PCDHGA10: variants seen among roughly 807,000 people sequenced by gnomAD.
The protein encoded by PCDHGA10 is protocadherin gamma subfamily A, 10, also known as protocadherin gamma-A10.
A neutral mutation model predicts 59.5 loss-of-function variants in PCDHGA10; 42 were observed. The ratio of observed to expected loss-of-function variants is 0.71; its 90% CI spans 0.55 to 0.91. The LOEUF (loss-of-function observed/expected upper bound fraction) is 0.91. Among genes scored for constraint, PCDHGA10 ranks in the 40% least tolerant of loss-of-function variants. The pLI is 0.00. For synonymous variants in PCDHGA10, 511 were observed against 517.2 expected, an observed-to-expected ratio of 0.99 and a Z score of 0.16; for missense variants, 1,111 against 1,198.2, an observed-to-expected ratio of 0.93 and a Z score of 1.07.
chr5:141,481,880 C>CTCCA (rs1483509373), intron 1 of PCDHGA10, among the ~76,000 whole-genome samples: 1 of 145,300 alleles, frequency 6.9e-6, no homozygotes, highest in Non-Finnish European at 1.5e-5. Context: ...CGCCACTGCA[C>CTCCA]TCCAGCCTGG....
Position 141,415,142 on chromosome 5 carries a change from C to A in PCDHGA10, c.1967C>A (p.Pro656His), listed in dbSNP as rs757516335. Residue 656 changes from proline to histidine, a missense_variant, in exon 1 of 4, where the codon CCC becomes CAC. Pro to His is a moderately conservative substitution (Grantham distance 77). Coordinates refer to ENST00000398610, the MANE Select transcript of PCDHGA10 (RefSeq NM_018913.3). The stretch of plus-strand genomic sequence containing the variant: ...GTGGCCGTCCAGGACCACGGCCAGC[C>A]CCCTCTCTCCGCCACTGTCACGCTC... ...LVVAVQDHGQPPLSATVTLTV... is the reference protein window; with the variant it reads ...LVVAVQDHGQHPLSATVTLTV... 10 of 1,613,732 alleles carry A rather than the reference C, an allele frequency of 6.2e-6. 1 individual carries two copies. In the South Asian group the frequency reaches 1.1e-4, roughly 18 times the overall value.
At chr5:141,450,642 A>C (rs2098688710) in intron 1 of PCDHGA10, among the ~76,000 whole-genome samples, 1 of 151,504 alleles carries the variant, frequency 6.6e-6, no homozygotes, top group Non-Finnish European at 1.5e-5. Context: ...GCCTGCCACC[A>C]TGCCTGGCTA....
At position 141,423,537 on chromosome 5, in the gene PCDHGA10, T is replaced by A. The variant is rs201034039; in HGVS notation, c.2436+7926T>A. 1.4e-4 allele frequency: 225 copies of A among 1,613,694 alleles called. 2 individuals carry two copies. In the South Asian group the frequency reaches 2.3e-3, roughly 16 times the overall value. On this transcript the variant is annotated intron_variant, in intron 1 of 3. Coordinates refer to ENST00000398610, the MANE Select transcript of PCDHGA10 (RefSeq NM_018913.3). ...CGGACTCGCAGAAGAGTCACCTGAT[T>A]TTCCCCCAGCCCAACTATGGGGACA...
intron 3 of PCDHGA10, among the ~76,000 whole-genome samples, chr5:141,509,518 T>A (rs1441963133): frequency 6.6e-6 from 1 of 152,170 alleles, no homozygotes; most frequent in Non-Finnish European, 1.5e-5. Context: ...GTTGATGATG[T>A]ATTGCACAGG....
chr5:141,448,211 T>TA (rs2098575794), intron 1 of PCDHGA10, among the ~76,000 whole-genome samples: 1 of 152,212 alleles, frequency 6.6e-6, no homozygotes, highest in East Asian at 1.9e-4. Flanking sequence ...TTTCTGTGTG[T>TA]ATGCGAATGT....
At chr5:141,422,934 C>T in intron 1 of PCDHGA10, 1 of 1,614,254 alleles carries the variant, frequency 6.2e-7, no homozygotes, top group Non-Finnish European at 8.5e-7. Context: ...CTGCCCTCCC[C>T]ACAGACGGCT....
chr5:141,434,981 T>C (rs2097734526), intron 1 of PCDHGA10, among the ~76,000 whole-genome samples: 1 of 152,054 alleles, frequency 6.6e-6, no homozygotes. Flanking sequence ...GTTAATACTC[T>C]ATATCATTTT....
chr5:141,428,376 A>G (rs2097136159), intron 1 of PCDHGA10: 2 of 528,068 alleles, frequency 3.8e-6, no homozygotes, highest in African/African-American at 1.9e-5. Flanking sequence ...TGCACCTGCG[A>G]TGCTCTTCCA....
intron 2 of PCDHGA10, among the ~76,000 whole-genome samples, chr5:141,497,543 T>C (rs896069181): frequency 4.7e-5 from 7 of 149,068 alleles, no homozygotes; most frequent in Non-Finnish European, 9.0e-5. Context: ...AACAAACCTT[T>C]TTTTTTTTTT....
At chr5:141,418,405 G>T in intron 1 of PCDHGA10, 1 of 1,614,020 alleles carries the variant, frequency 6.2e-7, no homozygotes, top group African/African-American at 1.3e-5. Context: ...CATTGGTGGA[G>T]AAAGACAATC....
At chr5:141,488,991 T>G in intron 1 of PCDHGA10, 1 of 414,332 alleles carries the variant, frequency 2.4e-6, no homozygotes, top group Non-Finnish European at 4.3e-6. Flanking sequence ...AGAGCTGAGG[T>G]GGGAGATCTG....
intron 3 of PCDHGA10, 67 bp from the exon 4 acceptor site, chr5:141,510,880 G>A (rs373993657): frequency 1.9e-6 from 3 of 1,611,784 alleles, no homozygotes; most frequent in Admixed American, 3.3e-5. Context: ...AACTGCTGGG[G>A]ATATAAGACA....
chr5:141,462,243 A>C (rs141980823), intron 1 of PCDHGA10, among the ~76,000 whole-genome samples: 70 of 152,368 alleles, frequency 4.6e-4, no homozygotes, highest in African/African-American at 1.6e-3. Flanking sequence ...TACAGGTATG[A>C]GCCACCATGA....
In PCDHGA10 at chr5:141,433,040, A is replaced by ACGGACT. The variant is rs753119003; in HGVS notation, c.2436+17432_2436+17437dup. The ACGGACT allele has an allele frequency of 8.1e-6, 13 of 1,614,088 alleles. No homozygotes were observed. In the African/African-American group the frequency reaches 1.7e-4, roughly 22 times the overall value. On this transcript the variant is annotated intron_variant, in intron 1 of 3. Transcript: ENST00000398610. ...CTATTCCCACGAGGTTTCCCTCACC[A>ACGGACT]CGGACTCGCGGAAGAGTCACCTGAT...
chr5:141,481,182 G>T (rs2099533183), intron 1 of PCDHGA10, among the ~76,000 whole-genome samples: 1 of 152,180 alleles, frequency 6.6e-6, no homozygotes, highest in Non-Finnish European at 1.5e-5. Flanking sequence ...AGCTTTATTG[G>T]GCCAGGCCCA....
rs2154591169 is a variant in PCDHGA10 at position 141,493,606 on chromosome 5, T to A, written c.2437-1201T>A. Among the ~76,000 whole-genome samples, 1 of 152,278 alleles carries A rather than the reference T, an allele frequency of 6.6e-6. No homozygotes were observed. Among genetic ancestry groups the A allele is most frequent in the Non-Finnish European group, 1.5e-5 (1 of 68,022 alleles). ...ACAATCACTGCATTTCCATGTAGAT[T>A]CTGCTGTGTCTAAGAATACAGTGGC... On this transcript the variant is annotated intron_variant, in intron 1 of 3. Transcript: ENST00000398610. This position sits in a 1 kb window ranked among gnomAD's most constrained non-coding sequence, Gnocchi z 4.3.
At chr5:141,419,849 T>C in intron 1 of PCDHGA10, 1 of 1,614,040 alleles carries the variant, frequency 6.2e-7, no homozygotes, top group East Asian at 2.2e-5. Context: ...GCACCTGGTG[T>C]TCGCAGATAG....
At position 141,413,025 on chromosome 5, in the gene PCDHGA10, A is replaced by G; in HGVS notation, c.-151A>G. On this transcript the variant is annotated 5_prime_UTR_variant, in exon 1 of 4. Transcript: ENST00000398610. Reference sequence around the variant, plus strand: ...AGGGCTTCAACTACACAAGCCCCACAAACCGGCTGCTGGGCTGCAGGGAAG... The same window carrying G: ...AGGGCTTCAACTACACAAGCCCCACGAACCGGCTGCTGGGCTGCAGGGAAG... 1 of 740,544 alleles carries G rather than the reference A, an allele frequency of 1.4e-6. No individual in the cohort carries two copies. Among genetic ancestry groups the G allele is most frequent in the Non-Finnish European group, 2.1e-6 (1 of 475,556 alleles). The allele number at this position is 740,544 out of a possible 1,614,324, so 45.9% of individuals were successfully genotyped here.
intron 1 of PCDHGA10, chr5:141,430,525 G>C (rs1354801907): frequency 3.3e-5 from 12 of 365,842 alleles, no homozygotes; most frequent in Admixed American, 1.3e-4. Context: ...GCAGTAATTG[G>C]TTAGGACTCT....
Sources: allele counts gnomAD v4.1 joint callset (sites outside exome capture counted in the v4.1 genomes callset), GRCh38; gene constraint gnomAD v4.1.1; non-coding constraint Gnocchi (gnomAD v3.1); transcripts MANE v1.5; gene names NCBI Gene and HGNC (gene_info 2026-07-23, HGNC 2026-07-21).